Variants in CCDC141 observed in about 807,000 individuals in gnomAD.
The protein encoded by CCDC141 is coiled-coil domain containing 141, also known as coiled-coil domain-containing protein 141.
In CCDC141, 168 loss-of-function variants were observed where a neutral mutation model predicts 181.0. The observed-to-expected ratio is 0.93, with a 90% CI of 0.82 to 1.05. CCDC141 has a LOEUF of 1.05. Among genes scored for constraint, CCDC141 ranks in the 50% least tolerant of loss-of-function variants. The pLI, the probability that CCDC141 is intolerant of heterozygous loss-of-function variation, is 0.00. For missense variants in CCDC141, 1,902 were observed against 1,788.5 expected (o/e 1.06, Z -1.14); for synonymous variants, 666 against 642.3 (o/e 1.04, Z -0.56).
intron 2 of CCDC141, among the ~76,000 whole-genome samples, chr2:178,979,076 C>T (rs1691250547): frequency 6.6e-6 from 1 of 152,018 alleles, no homozygotes; most frequent in African/African-American, 2.4e-5. Flanking sequence ...TAGTTTATTG[C>T]AAATAATTGT....
chr2:178,955,138 T>C (rs1289560409), intron 5 of CCDC141, among the ~76,000 whole-genome samples: 2 of 151,952 alleles, frequency 1.3e-5, no homozygotes, highest in Non-Finnish European at 2.9e-5. Context: ...ACAAAAAATA[T>C]AGCCGGCATG....
intron 2 of CCDC141, among the ~76,000 whole-genome samples, chr2:179,015,115 A>ATTATATAT (rs1170733701): frequency 2.8e-4 from 7 of 24,990 alleles, no homozygotes; most frequent in African/African-American, 4.3e-4. Flanking sequence ...ATATATATAT[A>ATTATATAT]ATCATATATA....
At chr2:178,839,964 T>C (rs763963236) in intron 22 of CCDC141, among the ~76,000 whole-genome samples, 30 of 152,326 alleles carry the variant, frequency 2.0e-4, no homozygotes, top group South Asian at 1.2e-3. Flanking sequence ...CAGCCTCTAT[T>C]TGAACACTTT....
At chr2:178,867,040 T>C (rs958525093) in intron 16 of CCDC141, among the ~76,000 whole-genome samples, 4 of 152,246 alleles carry the variant, frequency 2.6e-5, no homozygotes, top group African/African-American at 9.6e-5. Context: ...ATGTCCAGTG[T>C]ATTATTGATG....
intron 2 of CCDC141, among the ~76,000 whole-genome samples, chr2:179,029,706 A>G (rs1222463190): frequency 6.6e-6 from 1 of 152,144 alleles, no homozygotes; most frequent in Non-Finnish European, 1.5e-5. Context: ...TAGAAGTATA[A>G]ACATGATTTA....
intron 2 of CCDC141, among the ~76,000 whole-genome samples, chr2:179,031,689 G>A (rs4435492): frequency 0.13 from 19,036 of 151,972 alleles, 1,302 homozygotes; most frequent in Middle Eastern, 0.2. Flanking sequence ...TTTGTGGCTT[G>A]TCTTATGCAT....
At chr2:178,971,658 C>G (rs1449559060) in intron 4 of CCDC141, among the ~76,000 whole-genome samples, 1 of 152,140 alleles carries the variant, frequency 6.6e-6, no homozygotes, top group Admixed American at 6.6e-5. Flanking sequence ...ATAGCAAAGA[C>G]TTGGAACCAA....
At chr2:178,997,584 T>C (rs1692344400) in intron 2 of CCDC141, among the ~76,000 whole-genome samples, 1 of 152,258 alleles carries the variant, frequency 6.6e-6, no homozygotes, top group East Asian at 1.9e-4. Context: ...TCAGACATTT[T>C]TAGTTGTCAC....
chr2:178,994,799 T>C (rs1419470070), intron 2 of CCDC141, among the ~76,000 whole-genome samples: 2 of 152,206 alleles, frequency 1.3e-5, no homozygotes, highest in African/African-American at 4.8e-5. Context: ...TTCCACCATA[T>C]GCCCTAAATC....
chr2:178,890,693 G>A (rs1432055295), intron 8 of CCDC141, among the ~76,000 whole-genome samples: 1 of 152,028 alleles, frequency 6.6e-6, no homozygotes, highest in Non-Finnish European at 1.5e-5. Flanking sequence ...TCTTAATTAT[G>A]TTGCTCTAAT....
intron 22 of CCDC141, among the ~76,000 whole-genome samples, chr2:178,843,840 C>G (rs1684826383): frequency 6.6e-6 from 1 of 152,156 alleles, no homozygotes; most frequent in Admixed American, 6.6e-5. Context: ...TGTGATTGAG[C>G]TACTTAAAAG....
chr2:178,868,247 A>C (rs539187692), intron 15 of CCDC141, 42 bp from the exon 16 acceptor site: 2 of 1,553,038 alleles, frequency 1.3e-6, no homozygotes, highest in East Asian at 4.6e-5. Context: ...GTTTTATATG[A>C]AGACAAATTT....
At chr2:178,845,594 C>A (rs751304019) in intron 22 of CCDC141, 32 bp downstream of exon 22, 13 of 1,212,224 alleles carry the variant, frequency 1.1e-5, no homozygotes, top group Non-Finnish European at 1.5e-5. Flanking sequence ...AGCAAAAGTC[C>A]TCAATAGCTG....
chr2:178,815,697 T>A, the CCDC141 span, among the ~76,000 whole-genome samples: 1 of 152,218 alleles, frequency 6.6e-6, no homozygotes, highest in Non-Finnish European at 1.5e-5. Flanking sequence ...GATCTTCACA[T>A]ATGCTTTAAA....
chr2:178,974,388 C>A (rs188595532), intron 4 of CCDC141, among the ~76,000 whole-genome samples: 16 of 152,262 alleles, frequency 1.1e-4, no homozygotes, highest in Non-Finnish European at 2.2e-4. Context: ...AACCTCCTTC[C>A]ATTGCAAAAG....
intron 6 of CCDC141, among the ~76,000 whole-genome samples, chr2:178,931,450 T>C (rs1346382600): frequency 7.9e-5 from 12 of 152,076 alleles, no homozygotes; most frequent in African/African-American, 1.7e-4. Flanking sequence ...AATGGCTAAA[T>C]GAAAGGTGGT....
At chr2:179,047,146 C>A (rs76188668) in intron 2 of CCDC141, 138 bp downstream of exon 2, 25,902 of 608,442 alleles carry the variant, frequency 0.043, 621 homozygotes, top group South Asian at 0.055. Flanking sequence ...TCATAAATAA[C>A]TACTGATTTT....
chr2:178,881,785 C>G lies in CCDC141; in HGVS notation c.1719+3116G>C, dbSNP rs199784180. On this transcript the variant is annotated intron_variant, in intron 11 of 23. Transcript: ENST00000443758. ...GGCACGTACCTGTAGTCCCAGCTAC[C>G]TGGGAGGCCGAGGTGGGAGGATCAC... is the stretch of plus-strand genomic sequence containing the variant. Among the ~76,000 whole-genome samples the G allele has an allele frequency of 2.0e-5, 3 of 151,906 alleles. No individual in the cohort carries two copies. The East Asian group carries it at 5.8e-4, about 30-fold the overall frequency.
intron 2 of CCDC141, among the ~76,000 whole-genome samples, chr2:179,005,692 T>C (rs2042104915): frequency 6.6e-6 from 1 of 152,122 alleles, no homozygotes. Context: ...TGGAGTGCAG[T>C]GGTGCGATCT....
Sources: allele counts gnomAD v4.1 joint callset (sites outside exome capture counted in the v4.1 genomes callset), GRCh38; gene constraint gnomAD v4.1.1; transcripts MANE v1.5; gene names NCBI Gene and HGNC (gene_info 2026-07-23, HGNC 2026-07-21).